MDM4: variants seen among roughly 807,000 people sequenced by gnomAD.
The protein encoded by MDM4 is MDM4 regulator of p53.
In MDM4, 2 loss-of-function variants were observed where a neutral mutation model predicts 60.2. The ratio of observed to expected loss-of-function variants is 0.03; its 90% CI spans 0.01 to 0.10. The LOEUF is 0.10. Ranked by LOEUF, MDM4 falls within the 10% of genes least tolerant of loss-of-function variation. MDM4 has a pLI of 1.00. For missense variants in MDM4, 447 were observed against 577.5 expected (o/e 0.77, Z 2.32); for synonymous variants, 202 against 198.1 (o/e 1.02, Z -0.17).
At position 204,555,825 on chromosome 1, in the gene MDM4, A is replaced by T. The variant is rs1487204554; in HGVS notation, c.*6143A>T. 2 of 182,184 alleles carry T rather than the reference A, an allele frequency of 1.1e-5. No homozygotes were observed. The highest frequency in any genetic ancestry group is 2.4e-5 in the African/African-American group (1 of 42,502). The allele number at this position is 182,184 out of a possible 1,614,324, so 11.3% of individuals were successfully genotyped here. A position where few individuals can be genotyped will look rare whatever the true frequency, so the allele number is the denominator to read the frequency against. On this transcript the variant is annotated 3_prime_UTR_variant, in exon 11 of 11. Transcript: ENST00000367182. ...GGTTGCAGTGAGCCGAGACTGCACC[A>T]CTGCGCTCCCACCTGGGTGACAGAG...
chr1:204,529,465 G>C (rs566197697), intron 3 of MDM4: 117 of 1,525,724 alleles, frequency 7.7e-5, no homozygotes, highest in Non-Finnish European at 9.3e-5. Flanking sequence ...GGTCCTCCTG[G>C]AGTTCCAGAG....
In MDM4 at chr1:204,551,156, CCTAAGCCTCCCAA is replaced by C. The variant is rs756024307; in HGVS notation, c.*1475_*1487del. 3.6e-4 allele frequency: 70 copies of C among 192,816 alleles called. No homozygotes were observed. The highest frequency in any genetic ancestry group is 7.0e-4 in the Non-Finnish European group (65 of 92,462). The allele number at this position is 192,816 out of a possible 1,614,324, so 11.9% of individuals were successfully genotyped here. ...CTCCCAGATCCAAGCAATCCTCCCA[CCTAAGCCTCCCAA>C]GTAGCTGGGTCTATAGGCGCGTGCC... On this transcript the variant is annotated 3_prime_UTR_variant, in exon 11 of 11. Coordinates refer to ENST00000367182, the MANE Select transcript of MDM4 (RefSeq NM_002393.5).
chr1:204,525,676 A>T (rs1660065586), intron 2 of MDM4, 80 bp downstream of exon 2: 2 of 951,304 alleles, frequency 2.1e-6, no homozygotes, highest in Admixed American at 2.5e-5. Context: ...TCATGACTGT[A>T]ATCCCAGCAC....
At chr1:204,533,033 T>C (rs1661029856) in intron 5 of MDM4, among the ~76,000 whole-genome samples, 1 of 152,210 alleles carries the variant, frequency 6.6e-6, no homozygotes, top group Admixed American at 6.5e-5. Context: ...GGTATCAGTC[T>C]GATCCATCTG....
chr1:204,525,643 A>G, intron 2 of MDM4, 47 bp downstream of exon 2: 1 of 1,141,214 alleles, frequency 8.8e-7, no homozygotes, highest in South Asian at 1.4e-5. Context: ...TTTTTTTTTT[A>G]ATTTTTAAAA....
rs774859513 is a variant in MDM4, at chr1:204,525,502, GT to G, written c.-14del. The stretch of plus-strand genomic sequence containing the variant: ...TATTTAGTTTTACCAACAGACTGCA[GT>G]TTCTTCACTACCAAAATGACATCAT... On this transcript the variant is annotated 5_prime_UTR_variant, in exon 2 of 11. Transcript: ENST00000367182. 3.7e-5 allele frequency: 59 copies of G among 1,590,628 alleles called. No homozygotes were observed. In the African/African-American group the frequency reaches 7.1e-4, roughly 19 times the overall value.
At chr1:204,537,205 C>T (rs887823693) in intron 5 of MDM4, among the ~76,000 whole-genome samples, 2 of 151,894 alleles carry the variant, frequency 1.3e-5, no homozygotes, top group African/African-American at 2.4e-5. Flanking sequence ...TTTTTTTTCC[C>T]GATTATATTT....
rs1399402452 is a variant in MDM4, at chr1:204,553,831, A to C, written c.*4149A>C. The C allele has an allele frequency of 2.7e-5, 6 of 219,548 alleles. No individual in the cohort carries two copies. The East Asian group carries it at 3.4e-4, about 12-fold the overall frequency. 13.6% of individuals were successfully genotyped at this position (219,548 alleles called of 1,614,324 possible). A position where few individuals can be genotyped will look rare whatever the true frequency, so the allele number is the denominator to read the frequency against. On this transcript the variant is annotated 3_prime_UTR_variant, in exon 11 of 11. Coordinates refer to ENST00000367182, the MANE Select transcript of MDM4 (RefSeq NM_002393.5). ...AAACTTTATAAAAATCTTAGACCAGATCTTTAATATGGTATGCCATTTCCC... is the reference window on the plus strand; with the variant it reads ...AAACTTTATAAAAATCTTAGACCAGCTCTTTAATATGGTATGCCATTTCCC...
chr1:204,544,653 G>C lies in MDM4; in HGVS notation c.791G>C (p.Ser264Thr). 2 of 1,613,320 alleles carry C rather than the reference G, an allele frequency of 1.2e-6. No homozygotes were observed. Among genetic ancestry groups the C allele is most frequent in the Non-Finnish European group, 1.7e-6 (2 of 1,179,458 alleles). Reference protein sequence around the residue: ...KVEAADTEQTSEEVGKVSDKK... With the variant: ...KVEAADTEQTTEEVGKVSDKK... ...GAAGCTGCTGATACTGAACAAACAA[G>C]TGAAGAAGTAGGGAAAGTAAGTGAC... is the stretch of plus-strand genomic sequence containing the variant. Residue 264 changes from serine to threonine, a missense_variant, in exon 9 of 11, where the codon AGT (serine) becomes ACT (threonine). Ser to Thr is a moderately conservative substitution (Grantham distance 58). Transcript: ENST00000367182.
rs1431278610 is a variant in MDM4 at position 204,554,011 on chromosome 1, A to ATT, written c.*4331_*4332dup. 4.4e-6 allele frequency: 1 copy of ATT among 225,366 alleles called. No individual in the cohort carries two copies. The highest frequency in any genetic ancestry group is 8.8e-6 in the Non-Finnish European group (1 of 113,278). 14.0% of individuals were successfully genotyped at this position (225,366 alleles called of 1,614,324 possible). On this transcript the variant is annotated 3_prime_UTR_variant, in exon 11 of 11. Transcript: ENST00000367182. ...AATATGCAGTTGTGTTTTAATTATA[A>ATT]TTTATGTATAGTTAGATGTATGTAG...
In MDM4 at chr1:204,554,918, A is replaced by G. The variant is rs1481582981; in HGVS notation, c.*5236A>G. On this transcript the variant is annotated 3_prime_UTR_variant, in exon 11 of 11. Transcript: ENST00000367182. ...ATGCCGTTATTGGTGAATACAGCAT[A>G]GTTAAATAAACTGTTACAGTAAATC... 4.5e-6 allele frequency: 1 copy of G among 223,636 alleles called. No homozygotes were observed. Among genetic ancestry groups the G allele is most frequent in the Non-Finnish European group, 8.9e-6 (1 of 112,306 alleles). 13.9% of individuals were successfully genotyped at this position (223,636 alleles called of 1,614,324 possible).
Position 204,549,922 on chromosome 1 carries a change from A to G in MDM4, c.*240A>G. 1 of 358,396 alleles carries G rather than the reference A, an allele frequency of 2.8e-6. No individual in the cohort carries two copies. The highest frequency in any genetic ancestry group is 5.0e-6 in the Non-Finnish European group (1 of 199,932). The allele number at this position is 358,396 out of a possible 1,614,324, so 22.2% of individuals were successfully genotyped here. A position where few individuals can be genotyped will look rare whatever the true frequency, so the allele number is the denominator to read the frequency against. Reference sequence around the variant, plus strand: ...GTCAGGTACATAGTTAGGTGAACCCAAAAGAAAAACTCTTGAAAACAAGAG... The same window carrying G: ...GTCAGGTACATAGTTAGGTGAACCCGAAAGAAAAACTCTTGAAAACAAGAG... On this transcript the variant is annotated 3_prime_UTR_variant, in exon 11 of 11. Coordinates refer to ENST00000367182, the MANE Select transcript of MDM4 (RefSeq NM_002393.5).
Position 204,557,850 on chromosome 1 carries a change from TA to T in MDM4, c.*8172del. On this transcript the variant is annotated 3_prime_UTR_variant, in exon 11 of 11. Coordinates refer to ENST00000367182, the MANE Select transcript of MDM4 (RefSeq NM_002393.5). ...ATCAAGTGGGAAGAAAGCAGCAATT[TA>T]AAATAACTTTTTGGGAGACTGAATT... The T allele has an allele frequency of 1.1e-5, 2 of 188,010 alleles. No homozygotes were observed. Among genetic ancestry groups the T allele is most frequent in the East Asian group, 1.7e-4 (2 of 11,690 alleles). 11.6% of individuals were successfully genotyped at this position (188,010 alleles called of 1,614,324 possible).
chr1:204,546,166 A>G (rs986240058), intron 9 of MDM4, among the ~76,000 whole-genome samples: 5 of 152,130 alleles, frequency 3.3e-5, no homozygotes, highest in African/African-American at 1.2e-4. Flanking sequence ...ACGTTTAACA[A>G]TTTGGAGCTT....
chr1:204,529,785 T>C, intron 3 of MDM4: 1 of 341,222 alleles, frequency 2.9e-6, no homozygotes, highest in South Asian at 6.9e-5. Context: ...ATCTCCTTCA[T>C]TTAGCATGGC....
At chr1:204,548,267 G>C (rs1363397446) in intron 10 of MDM4, among the ~76,000 whole-genome samples, 1 of 152,178 alleles carries the variant, frequency 6.6e-6, no homozygotes, top group Non-Finnish European at 1.5e-5. Context: ...TCTTAGACTG[G>C]CAAGAGTGTT....
intron 5 of MDM4, among the ~76,000 whole-genome samples, chr1:204,535,157 C>CTTTTTTTTTTTTTTTTTTTTTTTTTTTT (rs869147485): frequency 7.7e-6 from 1 of 130,156 alleles, no homozygotes. Flanking sequence ...AATGGTAGTT[C>CTTTTTTTTTTTTTTTTTTTTTTTTTTTT]TTTTTTTTTT....
At chr1:204,539,526 T>G (rs2102402981) in intron 7 of MDM4, among the ~76,000 whole-genome samples, 1 of 146,852 alleles carries the variant, frequency 6.8e-6, no homozygotes. Context: ...GTTTTTTTTT[T>G]TTGTTTTGTT....
chr1:204,519,196 A>G (rs1372206230), intron 1 of MDM4, among the ~76,000 whole-genome samples: 1 of 152,214 alleles, frequency 6.6e-6, no homozygotes, highest in Non-Finnish European at 1.5e-5. Flanking sequence ...CTTTACAGCA[A>G]TAGCAAGCTG....
Sources: allele counts gnomAD v4.1 joint callset (sites outside exome capture counted in the v4.1 genomes callset), GRCh38; gene constraint gnomAD v4.1.1; transcripts MANE v1.5; gene names NCBI Gene and HGNC (gene_info 2026-07-23, HGNC 2026-07-21).